Variants in PIK3CG observed in about 807,000 individuals in gnomAD.
PIK3CG encodes the protein phosphatidylinositol 4,5-bisphosphate 3-kinase catalytic subunit gamma isoform.
Under a neutral mutation model 102.3 loss-of-function variants are expected in PIK3CG, and 55 were observed. The ratio of observed to expected loss-of-function variants is 0.54; its 90% CI spans 0.43 to 0.67. PIK3CG has a LOEUF of 0.67. PIK3CG is among the 30% of genes least tolerant of loss of function. PIK3CG has a pLI of 0.00. For synonymous variants in PIK3CG, 552 were observed against 540.0 expected (o/e 1.02, Z -0.31); for missense variants, 1,258 against 1,391.8 (o/e 0.90, Z 1.53).
intron 4 of PIK3CG, among the ~76,000 whole-genome samples, chr7:106,873,827 G>T (rs1790626778): frequency 1.3e-5 from 2 of 151,852 alleles, no homozygotes; most frequent in Non-Finnish European, 1.5e-5. Context: ...ACCTGCCCCT[G>T]CCCTAGGAAA....
chr7:106,873,653 G>T (rs1790617073), intron 4 of PIK3CG, among the ~76,000 whole-genome samples: 2 of 152,088 alleles, frequency 1.3e-5, no homozygotes, highest in Admixed American at 6.5e-5. Context: ...AGCATTCATG[G>T]ATTATGATAT....
chr7:106,900,084 A>G (rs1335695436), intron 10 of PIK3CG, among the ~76,000 whole-genome samples: 5 of 151,888 alleles, frequency 3.3e-5, no homozygotes, highest in Admixed American at 3.3e-4. Flanking sequence ...CAGTCTTGGG[A>G]GGGTGTATGT....
In PIK3CG at chr7:106,877,612, C is replaced by G. The variant is rs183181231; in HGVS notation, c.2392-1907C>G. ...TTTTCAGCACCATGTGTTGAAAAGACTGTTTTGTTTTGTTTTGTTTTGTTT... is the reference window on the plus strand; with the variant it reads ...TTTTCAGCACCATGTGTTGAAAAGAGTGTTTTGTTTTGTTTTGTTTTGTTT... On this transcript the variant is annotated intron_variant, in intron 5 of 10. Coordinates refer to ENST00000496166, the MANE Select transcript of PIK3CG (RefSeq NM_001282426.2). The surrounding 1 kb of genome is among the most constrained non-coding windows in gnomAD (Gnocchi z 4.5). 0.014 allele frequency among the ~76,000 whole-genome samples: 2,060 copies of G among 150,556 alleles called. 28 individuals are homozygous for G. Among genetic ancestry groups the G allele is most frequent in the Middle Eastern group, 0.034 (10 of 292 alleles).
chr7:106,875,359 C>CA (rs35537666), intron 5 of PIK3CG, among the ~76,000 whole-genome samples: 95,322 of 126,512 alleles, frequency 0.75, 35,104 homozygotes, highest in East Asian at 0.92. Flanking sequence ...GACTCCGTCT[C>CA]AAAAAAAAAA....
In PIK3CG at chr7:106,885,533, A is replaced by G. The variant is rs112459095; in HGVS notation, c.2873-602A>G. Among the ~76,000 whole-genome samples the G allele has an allele frequency of 8.4e-3, 1,285 of 152,246 alleles. 21 individuals carry two copies. The highest frequency in any genetic ancestry group is 0.029 in the African/African-American group (1,209 of 41,550). On this transcript the variant is annotated intron_variant, in intron 9 of 10. Transcript: ENST00000496166. ...ATTGCTTACTTCCTATGAGAATTAA[A>G]AGAGATAATATATTTATGGACAATA...
rs1790434363 is a variant in PIK3CG, at chr7:106,869,052, C to T, written c.1491C>T (p.Phe497=). The T allele has an allele frequency of 2.5e-6, 4 of 1,614,172 alleles. No homozygotes were observed. Among genetic ancestry groups the T allele is most frequent in the Non-Finnish European group, 2.5e-6 (3 of 1,180,030 alleles). Residue 497 remains phenylalanine (F), a synonymous_variant, in exon 2 of 11, where the codon TTC becomes TTT. Transcript: ENST00000496166. The surrounding 1 kb of genome is among the most constrained non-coding windows in gnomAD (Gnocchi z 5.3). ...ISGKGEDQGS[F]NADKLTSATN... ...GGAAGGGAGAAGACCAAGGAAGCTT[C>T]AATGCTGACAAACTCACGTCTGCAA...
At chr7:106,901,951 A>G (rs1023902322) in intron 10 of PIK3CG, among the ~76,000 whole-genome samples, 5 of 152,240 alleles carry the variant, frequency 3.3e-5, no homozygotes, top group African/African-American at 1.2e-4. Context: ...AGTTGCAGCC[A>G]TGTTCTCTCT....
rs1790354417 is a variant in PIK3CG, at chr7:106,867,791, G to A, written c.230G>A (p.Arg77Gln). The A allele has an allele frequency of 5.6e-6, 9 of 1,612,632 alleles. No individual in the cohort carries two copies. In the East Asian group the frequency reaches 1.3e-4, roughly 24 times the overall value. The change falls in exon 2 of 11, where the codon CGA becomes CAA. Residue 77 changes from arginine (R) to glutamine (Q), a missense_variant. Coordinates refer to ENST00000496166, the MANE Select transcript of PIK3CG (RefSeq NM_001282426.2). The surrounding 1 kb of genome is among the most constrained non-coding windows in gnomAD (Gnocchi z 5.1). ...CAGATGAAGGCCCAGGTGTGGCTGCGAGCGCTGGAGACCAGCGTGGCGGCG... is the reference window on the plus strand; with the variant it reads ...CAGATGAAGGCCCAGGTGTGGCTGCAAGCGCTGGAGACCAGCGTGGCGGCG... ...VEQMKAQVWL[R>Q]ALETSVAADF...
Position 106,902,129 on chromosome 7 carries a change from G to A in PIK3CG, c.3031-2980G>A, listed in dbSNP as rs1791573529. Reference sequence around the variant, plus strand: ...GACTTTGGTATTGGTTGTGGCCAAGGGTCATTTGCTTGTCACCTGGGGACT... The same window carrying A: ...GACTTTGGTATTGGTTGTGGCCAAGAGTCATTTGCTTGTCACCTGGGGACT... On this transcript the variant is annotated intron_variant, in intron 10 of 10. Transcript: ENST00000496166. The surrounding 1 kb of genome is among the most constrained non-coding windows in gnomAD (Gnocchi z 4.3). 6.6e-6 allele frequency among the ~76,000 whole-genome samples: 1 copy of A among 152,126 alleles called. No homozygotes were observed.
At chr7:106,876,558 ATT>A (rs747506191) in intron 5 of PIK3CG, among the ~76,000 whole-genome samples, 11 of 136,372 alleles carry the variant, frequency 8.1e-5, no homozygotes, top group African/African-American at 1.1e-4. Context: ...CACCCAGCTA[ATT>A]TTTTTTTTTT....
rs1050616670 is a variant in PIK3CG at position 106,869,751 on chromosome 7, G to C, written c.1995+195G>C. Among the ~76,000 whole-genome samples, 1 of 152,150 alleles carries C rather than the reference G, an allele frequency of 6.6e-6. No homozygotes were observed. Among genetic ancestry groups the C allele is most frequent in the Non-Finnish European group, 1.5e-5 (1 of 68,024 alleles). On this transcript the variant is annotated intron_variant, in intron 2 of 10. Transcript: ENST00000496166. The surrounding 1 kb of genome is among the most constrained non-coding windows in gnomAD (Gnocchi z 5.3). ...TTTTTACTGTCTCGGAGGGTTTGCT[G>C]ACAAGGGTTTTGCAGACATTAGTAC... is the stretch of plus-strand genomic sequence containing the variant.
chr7:106,867,432 C>T lies in PIK3CG; in HGVS notation c.-12-118C>T. The T allele has an allele frequency of 1.1e-6, 1 of 888,380 alleles. No individual in the cohort carries two copies. The highest frequency in any genetic ancestry group is 1.7e-6 in the Non-Finnish European group (1 of 575,244). The allele number at this position is 888,380 out of a possible 1,614,324, so 55.0% of individuals were successfully genotyped here. On this transcript the variant is annotated intron_variant, in intron 1 of 10. Coordinates refer to ENST00000496166, the MANE Select transcript of PIK3CG (RefSeq NM_001282426.2). The surrounding 1 kb of genome is among the most constrained non-coding windows in gnomAD (Gnocchi z 5.1). ...GTGCTTCCAGTTTAAAATACTTGGT[C>T]CCTCTGGGTCCCTGTGCACATGTAC...
In PIK3CG at chr7:106,867,648, G is replaced by A. The variant is rs780581522; in HGVS notation, c.87G>A (p.Ala29=). The change falls in exon 2 of 11, where the codon GCG becomes GCA. Residue 29 remains alanine, a synonymous_variant. Transcript: ENST00000496166. This position sits in a 1 kb window ranked among gnomAD's most constrained non-coding sequence, Gnocchi z 5.1. ...RRRRMKPRSA[A]ASLSSMELIP... Reference sequence around the variant, plus strand: ...GGAGGATGAAGCCGCGCAGTGCTGCGGCCAGCCTGTCCTCCATGGAGCTCA... The same window carrying A: ...GGAGGATGAAGCCGCGCAGTGCTGCAGCCAGCCTGTCCTCCATGGAGCTCA... The A allele has an allele frequency of 1.2e-5, 20 of 1,613,166 alleles. No homozygotes were observed. In the East Asian group the frequency reaches 3.8e-4, roughly 31 times the overall value.
chr7:106,867,878 G>C lies in PIK3CG; in HGVS notation c.317G>C (p.Trp106Ser), dbSNP rs2116424378. Residue 106 changes from tryptophan (W) to serine (S), a missense_variant, in exon 2 of 11, where the codon TGG becomes TCG. Transcript: ENST00000496166. This position sits in a 1 kb window ranked among gnomAD's most constrained non-coding sequence, Gnocchi z 5.1. ...FLLLYQKKGQ[W>S]YEIYDKYQVV... ...CTGCTCTATCAGAAGAAGGGGCAGTGGTACGAGATCTACGACAAGTACCAG... is the reference window on the plus strand; with the variant it reads ...CTGCTCTATCAGAAGAAGGGGCAGTCGTACGAGATCTACGACAAGTACCAG... 6.2e-7 allele frequency: 1 copy of C among 1,612,954 alleles called. No individual in the cohort carries two copies. The highest frequency in any genetic ancestry group is 8.5e-7 in the Non-Finnish European group (1 of 1,179,910).
Position 106,899,968 on chromosome 7 carries a change from GA to G in PIK3CG, c.3031-5139del, listed in dbSNP as rs1394783667. On this transcript the variant is annotated intron_variant, in intron 10 of 10. Coordinates refer to ENST00000496166, the MANE Select transcript of PIK3CG (RefSeq NM_001282426.2). The surrounding 1 kb of genome is among the most constrained non-coding windows in gnomAD (Gnocchi z 4.6). ...TGTACATCTGGTAGAATTCAGCTGT[GA>G]ATTGATCAGGTCTTGGGCTTTTTTT... Among the ~76,000 whole-genome samples the G allele has an allele frequency of 3.3e-5, 5 of 152,142 alleles. No homozygotes were observed. Among genetic ancestry groups the G allele is most frequent in the Non-Finnish European group, 1.5e-5 (1 of 68,014 alleles).
In PIK3CG at chr7:106,868,484, A is replaced by G. The variant is rs2116441744; in HGVS notation, c.923A>G (p.Asp308Gly). ...GGAGAAGAGATTCACGTGGTACTGG[A>G]CACGCCTCCAGACCCGGCCCTAGAC... ...KNGEEIHVVL[D>G]TPPDPALDEV... Residue 308 changes from aspartate to glycine, a missense_variant, in exon 2 of 11, where the codon GAC (aspartate) becomes GGC (glycine). By Grantham distance (94) the Asp-to-Gly change is moderately conservative. Coordinates refer to ENST00000496166, the MANE Select transcript of PIK3CG (RefSeq NM_001282426.2). This position sits in a 1 kb window ranked among gnomAD's most constrained non-coding sequence, Gnocchi z 6.2. 1 of 1,614,162 alleles carries G rather than the reference A, an allele frequency of 6.2e-7. No homozygotes were observed. The highest frequency in any genetic ancestry group is 1.3e-5 in the African/African-American group (1 of 75,054).
intron 10 of PIK3CG, among the ~76,000 whole-genome samples, chr7:106,896,836 G>A (rs1478623419): frequency 6.6e-6 from 1 of 152,162 alleles, no homozygotes; most frequent in East Asian, 1.9e-4. Flanking sequence ...CATGGGTTTT[G>A]TATTGCTTAG....
At position 106,906,398 on chromosome 7, in the gene PIK3CG, T is replaced by A. The variant is rs1791685150; in HGVS notation, c.*1011T>A. ...AAGGAGGCATTCTAGAAAATATGAA[T>A]TAGTTTCCAAATGCCTTAATTTTAA... On this transcript the variant is annotated 3_prime_UTR_variant, in exon 11 of 11. Transcript: ENST00000496166. The A allele has an allele frequency of 4.3e-6, 1 of 230,310 alleles. No individual in the cohort carries two copies. Among genetic ancestry groups the A allele is most frequent in the Non-Finnish European group, 8.6e-6 (1 of 116,386 alleles). The allele number at this position is 230,310 out of a possible 1,614,324, so 14.3% of individuals were successfully genotyped here.
Position 106,872,758 on chromosome 7 carries a change from A to G in PIK3CG, c.2107A>G (p.Ile703Val), listed in dbSNP as rs1416800274. 8 of 1,614,090 alleles carry G rather than the reference A, an allele frequency of 5.0e-6. No individual in the cohort carries two copies. The highest frequency in any genetic ancestry group is 1.3e-5 in the African/African-American group (1 of 74,930). Residue 703 changes from isoleucine (I) to valine (V), a missense_variant, in exon 4 of 11, where the codon ATA becomes GTA. By Grantham distance (29) the Ile-to-Val change is conservative. This residue lies in a region of PIK3CG where 426 missense variants were observed against 604.2 expected (regional missense o/e 0.71). Transcript: ENST00000496166. This position sits in a 1 kb window ranked among gnomAD's most constrained non-coding sequence, Gnocchi z 5.3. ...TTTGTTTTGGTTCTTGAGAAGTGAG[A>G]TAGCCCAGTCCAGACACTATCAGCA... ...HFLFWFLRSE[I>V]AQSRHYQQRF... is the part of the protein sequence containing the mutation.
Sources: gnomAD v4.1 joint callset for allele counts (sites outside exome capture counted in the v4.1 genomes callset) on GRCh38, gnomAD v4.1.1 for gene constraint, gnomAD v4.1.1 regional missense constraint, Gnocchi (gnomAD v3.1) non-coding constraint, MANE v1.5 for transcripts, NCBI Gene and HGNC (gene_info 2026-07-23, HGNC 2026-07-21) for gene names.